CAMTA1: variants seen among roughly 807,000 people sequenced by gnomAD.
CAMTA1 encodes the protein calmodulin binding transcription activator 1.
In CAMTA1, 27 loss-of-function variants were observed where a neutral mutation model predicts 170.9. That is an observed-to-expected ratio of 0.16 (90% confidence interval 0.12 to 0.22). The LOEUF (loss-of-function observed/expected upper bound fraction) is 0.22. Among genes scored for constraint, CAMTA1 ranks in the 10% least tolerant of loss-of-function variants. The probability of loss-of-function intolerance (pLI) is 1.00; values close to 1 mark genes in which losing one functional copy is unlikely to be tolerated. For missense variants in CAMTA1, 1,619 were observed against 2,217.2 expected (o/e 0.73, Z 5.42); for synonymous variants, 833 against 891.5 (o/e 0.93, Z 1.17).
intron 11 of CAMTA1, among the ~76,000 whole-genome samples, chr1:7,719,196 G>C (rs1344152014): frequency 6.6e-6 from 1 of 152,134 alleles, no homozygotes; most frequent in Non-Finnish European, 1.5e-5. Flanking sequence ...CAGCAGAGTT[G>C]GCTCCTGCGT....
intron 1 of CAMTA1, among the ~76,000 whole-genome samples, chr1:6,786,317 A>C (rs936876659): frequency 2.0e-5 from 3 of 150,342 alleles, no homozygotes; most frequent in Non-Finnish European, 4.4e-5. Context: ...TTCACATCCT[A>C]CTCTTGCCCT....
intron 4 of CAMTA1, among the ~76,000 whole-genome samples, chr1:7,100,755 T>C (rs1218281622): frequency 6.6e-6 from 1 of 152,176 alleles, no homozygotes; most frequent in Non-Finnish European, 1.5e-5. Context: ...CACAGGGGCG[T>C]GGTGTGGCCT....
intron 6 of CAMTA1, among the ~76,000 whole-genome samples, chr1:7,605,385 A>G (rs180844605): frequency 0.011 from 1,694 of 152,298 alleles, 22 homozygotes; most frequent in African/African-American, 0.038. Context: ...CGGCAATGGC[A>G]GGCGCCCCTC....
chr1:7,155,248 A>G (rs1646798868), intron 4 of CAMTA1, among the ~76,000 whole-genome samples: 1 of 151,870 alleles, frequency 6.6e-6, no homozygotes, highest in South Asian at 2.1e-4. Flanking sequence ...ACAGGGCAGA[A>G]TGAGCCTTTC....
intron 3 of CAMTA1, among the ~76,000 whole-genome samples, chr1:7,045,665 A>G (rs909554709): frequency 2.9e-4 from 44 of 152,362 alleles, no homozygotes; most frequent in African/African-American, 9.4e-4. Context: ...TTGATTCCAG[A>G]TATGAAATTG....
rs903160253 is a variant in CAMTA1 at position 7,576,519 on chromosome 1, A to G, written c.511-63881A>G. On this transcript the variant is annotated intron_variant, in intron 6 of 22. Transcript: ENST00000303635. ...AGACCTTCCACCGTGTGAGGACGCA[A>G]GCAAGAAGGCACTGTCTAGGAACCA... Among the ~76,000 whole-genome samples, 4 of 152,210 alleles carry G rather than the reference A, an allele frequency of 2.6e-5. No individual in the cohort carries two copies. In the South Asian group the frequency reaches 8.3e-4, roughly 31 times the overall value.
intron 6 of CAMTA1, among the ~76,000 whole-genome samples, chr1:7,477,831 CA>C (rs2093446591): frequency 6.6e-6 from 1 of 152,180 alleles, no homozygotes; most frequent in South Asian, 2.1e-4. Context: ...TGGGGAGGGG[CA>C]CCCTCTGCTC....
intron 3 of CAMTA1, among the ~76,000 whole-genome samples, chr1:7,083,937 G>A (rs1442477241): frequency 6.6e-6 from 1 of 151,010 alleles, no homozygotes; most frequent in African/African-American, 2.4e-5. Context: ...CAGATGCTGG[G>A]GCCAGCTGCT....
At chr1:7,023,040 G>A (rs1701579312) in intron 3 of CAMTA1, among the ~76,000 whole-genome samples, 1 of 152,088 alleles carries the variant, frequency 6.6e-6, no homozygotes, top group Non-Finnish European at 1.5e-5. Context: ...ACAAAACTGG[G>A]AACAAGAAGG....
At chr1:6,975,923 C>T (rs79342656) in intron 3 of CAMTA1, among the ~76,000 whole-genome samples, 4,646 of 152,222 alleles carry the variant, frequency 0.031, 100 homozygotes, top group Non-Finnish European at 0.049. Flanking sequence ...CTTTGGTAAC[C>T]GCCTTCTTTC....
At chr1:7,027,942 T>C (rs1005111974) in intron 3 of CAMTA1, among the ~76,000 whole-genome samples, 18 of 151,914 alleles carry the variant, frequency 1.2e-4, no homozygotes, top group African/African-American at 4.4e-4. Context: ...CTTCACTCTG[T>C]TGCCCAGGCT....
chr1:6,947,027 G>A (rs1048522072), intron 3 of CAMTA1, among the ~76,000 whole-genome samples: 2 of 152,188 alleles, frequency 1.3e-5, no homozygotes, highest in African/African-American at 2.4e-5. Flanking sequence ...TCTTTTGCAT[G>A]TGGACATCCA....
intron 3 of CAMTA1, among the ~76,000 whole-genome samples, chr1:7,003,514 C>T (rs1283873365): frequency 1.3e-5 from 2 of 152,208 alleles, no homozygotes; most frequent in Non-Finnish European, 1.5e-5. Flanking sequence ...GAATTCGACA[C>T]GTCGGCTTAG....
At chr1:7,518,390 A>T (rs2094315838) in intron 6 of CAMTA1, among the ~76,000 whole-genome samples, 1 of 151,592 alleles carries the variant, frequency 6.6e-6, no homozygotes, top group Non-Finnish European at 1.5e-5. Context: ...ATCCACATCA[A>T]CTTCACCAGG....
chr1:7,411,833 G>T lies in CAMTA1; in HGVS notation c.439-55997G>T, dbSNP rs571782976. ...GCAGGTTTGTTACATATGTATACATGGGCCATGTTGGTGTACTGCAACCAT... is the reference window on the plus strand; with the variant it reads ...GCAGGTTTGTTACATATGTATACATTGGCCATGTTGGTGTACTGCAACCAT... On this transcript the variant is annotated intron_variant, in intron 5 of 22. Transcript: ENST00000303635. Among the ~76,000 whole-genome samples, 15 of 151,918 alleles carry T rather than the reference G, an allele frequency of 9.9e-5. No homozygotes were observed. In the East Asian group the frequency reaches 2.7e-3, roughly 27 times the overall value.
rs946977254 is a variant in CAMTA1, at chr1:7,426,643, C to T, written c.439-41187C>T. On this transcript the variant is annotated intron_variant, in intron 5 of 22. Coordinates refer to ENST00000303635, the MANE Select transcript of CAMTA1 (RefSeq NM_015215.4). The surrounding 1 kb of genome is among the most constrained non-coding windows in gnomAD (Gnocchi z 4.8). ...AGCTTCTGTGATTGGGGGCTGATGG[C>T]GACTGTGCAAAAAAGCAGGGGTTGG... Among the ~76,000 whole-genome samples, 1 of 151,568 alleles carries T rather than the reference C, an allele frequency of 6.6e-6. No homozygotes were observed. Among genetic ancestry groups the T allele is most frequent in the Non-Finnish European group, 1.5e-5 (1 of 68,004 alleles).
intron 3 of CAMTA1, among the ~76,000 whole-genome samples, chr1:6,900,628 CTA>C (rs1361420498): frequency 1.3e-5 from 2 of 152,040 alleles, no homozygotes; most frequent in African/African-American, 4.8e-5. Flanking sequence ...AATTGTATTT[CTA>C]TATATTAGCA....
chr1:7,424,113 C>T (rs971489280), intron 5 of CAMTA1, among the ~76,000 whole-genome samples: 2 of 152,128 alleles, frequency 1.3e-5, no homozygotes, highest in Non-Finnish European at 2.9e-5. Flanking sequence ...ACCGTCCCCA[C>T]GTGGGCTCTG....
chr1:6,952,122 GT>G (rs1031820189), intron 3 of CAMTA1, among the ~76,000 whole-genome samples: 5 of 152,190 alleles, frequency 3.3e-5, no homozygotes, highest in Admixed American at 1.3e-4. Flanking sequence ...TGGTTCAGAT[GT>G]TTCTGGCATC....
Sources: allele counts gnomAD v4.1 joint callset (sites outside exome capture counted in the v4.1 genomes callset), GRCh38; gene constraint gnomAD v4.1.1; non-coding constraint Gnocchi (gnomAD v3.1); transcripts MANE v1.5; gene names NCBI Gene and HGNC (gene_info 2026-07-23, HGNC 2026-07-21).